RFX3: variants seen among roughly 807,000 people sequenced by gnomAD.
RFX3 encodes transcription factor RFX3.
Under a neutral mutation model 98.6 loss-of-function variants are expected in RFX3, and 14 were observed. That is an observed-to-expected ratio of 0.14 (90% CI 0.09 to 0.22). The LOEUF (loss-of-function observed/expected upper bound fraction) is 0.22. Ranked by LOEUF, RFX3 falls within the 10% of genes least tolerant of loss-of-function variation. The pLI, the probability that RFX3 is intolerant of heterozygous loss-of-function variation, is 1.00. For missense variants in RFX3, 639 were observed against 926.9 expected (o/e 0.69, Z 4.03); for synonymous variants, 383 against 328.4 (o/e 1.17, Z -1.80).
chr9:3,424,662 T>C (rs1843834916), intron 1 of RFX3, among the ~76,000 whole-genome samples: 1 of 151,868 alleles, frequency 6.6e-6, no homozygotes, highest in Non-Finnish European at 1.5e-5. Flanking sequence ...GCCCGGCCCA[T>C]AATTGACTGT....
intron 1 of RFX3, chr9:3,421,036 A>C (rs893534901): frequency 3.1e-5 from 15 of 476,674 alleles, no homozygotes; most frequent in Admixed American, 1.3e-4. Context: ...AAAAAAAAAA[A>C]CAAGAAGGCA....
At chr9:3,380,569 G>A (rs1839076192) in intron 2 of RFX3, among the ~76,000 whole-genome samples, 1 of 152,068 alleles carries the variant, frequency 6.6e-6, no homozygotes, top group Admixed American at 6.6e-5. Flanking sequence ...TGGCAGACCT[G>A]GCATTTTGAT....
chr9:3,438,895 T>C (rs1467270527), intron 1 of RFX3, among the ~76,000 whole-genome samples: 1 of 151,916 alleles, frequency 6.6e-6, no homozygotes, highest in Non-Finnish European at 1.5e-5. Context: ...AATCAAAAAC[T>C]GACAGAAACC....
intron 9 of RFX3, among the ~76,000 whole-genome samples, 199 bp from the exon 10 acceptor site, chr9:3,271,317 G>C (rs535834607): frequency 6.7e-6 from 1 of 150,350 alleles, no homozygotes; most frequent in East Asian, 2.0e-4. Context: ...GATAAAGAGG[G>C]GAAAATTCTT....
At chr9:3,478,121 A>G (rs1001683195) in intron 1 of RFX3, among the ~76,000 whole-genome samples, 1 of 152,114 alleles carries the variant, frequency 6.6e-6, no homozygotes, top group Non-Finnish European at 1.5e-5. Flanking sequence ...AAGACTACAA[A>G]GTCTAAAATC....
Position 3,219,101 on chromosome 9 carries a change from C to T in RFX3, c.*5941G>A, listed in dbSNP as rs1817214429. On this transcript the variant is annotated 3_prime_UTR_variant, in exon 17 of 17. Transcript: ENST00000617270. ...AAGTTTCTGTAACCAATGCATTGGTCACCACCATAGGTCCAAATTGATGAT... is the reference window on the plus strand; with the variant it reads ...AAGTTTCTGTAACCAATGCATTGGTTACCACCATAGGTCCAAATTGATGAT... 1 of 152,070 alleles carries T rather than the reference C, an allele frequency of 6.6e-6. No homozygotes were observed. Among genetic ancestry groups the T allele is most frequent in the Non-Finnish European group, 1.5e-5 (1 of 68,004 alleles). The allele number at this position is 152,070 out of a possible 1,614,324, so 9.4% of individuals were successfully genotyped here.
chr9:3,386,594 T>TC (rs1839739791), intron 2 of RFX3, among the ~76,000 whole-genome samples: 1 of 152,060 alleles, frequency 6.6e-6, no homozygotes. Context: ...CTTTATGAAG[T>TC]AGTCCTCAAA....
intron 1 of RFX3, among the ~76,000 whole-genome samples, chr9:3,505,517 T>A (rs191448488): frequency 0.013 from 1,458 of 116,230 alleles, 26 homozygotes; most frequent in African/African-American, 0.038. Flanking sequence ...GAAAGGCATA[T>A]AAAAATGATA....
At chr9:3,262,078 C>T (rs941466932) in intron 13 of RFX3, among the ~76,000 whole-genome samples, 26 of 152,116 alleles carry the variant, frequency 1.7e-4, no homozygotes, top group Admixed American at 1.5e-3. Flanking sequence ...AAAATCTTCT[C>T]ACATTCTGTG....
intron 1 of RFX3, among the ~76,000 whole-genome samples, chr9:3,484,412 G>C (rs1247901621): frequency 1.3e-5 from 2 of 152,216 alleles, no homozygotes; most frequent in Non-Finnish European, 2.9e-5. Flanking sequence ...TAGACTTACA[G>C]AGAAAGGGGT....
intron 14 of RFX3, 108 bp from the exon 15 acceptor site, chr9:3,248,293 G>T (rs1820944523): frequency 7.3e-7 from 1 of 1,374,696 alleles, no homozygotes; most frequent in South Asian, 1.5e-5. Context: ...TATATGGTTG[G>T]TATAGTATAA....
chr9:3,504,542 T>A (rs1254127997), intron 1 of RFX3, among the ~76,000 whole-genome samples: 1 of 134,482 alleles, frequency 7.4e-6, no homozygotes, highest in Non-Finnish European at 1.5e-5. Context: ...ATATGCCATA[T>A]GGTATATATT....
intron 15 of RFX3, among the ~76,000 whole-genome samples, chr9:3,246,480 C>T (rs1820691265): frequency 6.6e-6 from 1 of 152,086 alleles, no homozygotes; most frequent in Non-Finnish European, 1.5e-5. Flanking sequence ...CAAGATTAGC[C>T]ACATGGTGTT....
chr9:3,502,214 A>C (rs1182392727), intron 1 of RFX3, among the ~76,000 whole-genome samples: 1 of 151,530 alleles, frequency 6.6e-6, no homozygotes, highest in Non-Finnish European at 1.5e-5. Flanking sequence ...AGCCCACATC[A>C]CGCACTGCAC....
intron 14 of RFX3, among the ~76,000 whole-genome samples, chr9:3,251,535 G>A (rs1345988236): frequency 3.3e-5 from 5 of 151,924 alleles, no homozygotes; most frequent in African/African-American, 7.3e-5. Context: ...GTCTCACTAT[G>A]TTGCCCAGGC....
chr9:3,437,623 T>G (rs1020480111), intron 1 of RFX3, among the ~76,000 whole-genome samples: 2 of 152,082 alleles, frequency 1.3e-5, no homozygotes, highest in Admixed American at 6.6e-5. Flanking sequence ...ATTTCAGGTT[T>G]AGGCCTCTCA....
intron 1 of RFX3, among the ~76,000 whole-genome samples, chr9:3,485,639 TA>T (rs1850197385): frequency 6.6e-6 from 1 of 152,254 alleles, no homozygotes; most frequent in African/African-American, 2.4e-5. Context: ...GTTCTGTCTA[TA>T]ATCCCAAATT....
chr9:3,426,981 A>G (rs910435200), intron 1 of RFX3, among the ~76,000 whole-genome samples: 6 of 151,992 alleles, frequency 3.9e-5, no homozygotes, highest in Non-Finnish European at 8.8e-5. Flanking sequence ...ACTGGTATAG[A>G]ACACTAGTAG....
chr9:3,266,471 A>T (rs935517752), intron 11 of RFX3, among the ~76,000 whole-genome samples, 166 bp from the exon 12 acceptor site: 2 of 152,110 alleles, frequency 1.3e-5, no homozygotes, highest in Non-Finnish European at 2.9e-5. Flanking sequence ...TTTTTAAAGC[A>T]TCCAAGAATT....
Sources: gnomAD v4.1 joint callset for allele counts (sites outside exome capture counted in the v4.1 genomes callset) on GRCh38, gnomAD v4.1.1 for gene constraint, MANE v1.5 for transcripts, NCBI Gene and HGNC (gene_info 2026-07-23, HGNC 2026-07-21) for gene names.